DOP1B: variants seen among roughly 807,000 people sequenced by gnomAD.
DOP1B encodes protein DOP1B.
DOP1B carries 174 observed loss-of-function variants against 233.5 expected under a neutral mutation model. The observed-to-expected ratio is 0.75, with a 90% confidence interval of 0.66 to 0.85. The LOEUF is 0.85. Among genes scored for constraint, DOP1B ranks in the 40% least tolerant of loss-of-function variants. The pLI is 0.00. For synonymous variants in DOP1B, 1,190 were observed against 1,185.6 expected, an observed-to-expected ratio of 1.00 and a Z score of -0.08; for missense variants, 2,652 against 2,846.6, an observed-to-expected ratio of 0.93 and a Z score of 1.56.
rs1310115386 is a variant in DOP1B at position 36,233,049 on chromosome 21, A to C, written c.2596A>C (p.Ile866Leu). The C allele has an allele frequency of 6.2e-7, 1 of 1,614,050 alleles. No homozygotes were observed. Among genetic ancestry groups the C allele is most frequent in the Non-Finnish European group, 8.5e-7 (1 of 1,179,966 alleles). The change falls in exon 15 of 37, where the codon ATT (isoleucine) becomes CTT (leucine). Residue 866 changes from isoleucine to leucine, a missense_variant. By Grantham distance (5) the Ile-to-Leu change is conservative. Around this residue, in one of 3 missense-constraint regions of DOP1B, gnomAD observed 2,617 missense variants for 2,794.3 expected, o/e 0.94. Transcript: ENST00000691173. ...PPIAPGILKV[I>L]AEKTDFYQRV... ...CATTGCTCCAGGGATATTGAAAGTCATTGCAGAGAAAACAGATTTCTATCA... is the reference window on the plus strand; with the variant it reads ...CATTGCTCCAGGGATATTGAAAGTCCTTGCAGAGAAAACAGATTTCTATCA...
At chr21:36,280,829 C>G (rs553550818) in intron 31 of DOP1B, among the ~76,000 whole-genome samples, 3 of 151,970 alleles carry the variant, frequency 2.0e-5, no homozygotes, top group African/African-American at 7.2e-5. Flanking sequence ...CGGTGAAACC[C>G]CGTCTCTACT....
chr21:36,201,345 CTTTTT>C (rs1172730528), intron 4 of DOP1B, among the ~76,000 whole-genome samples: 6 of 83,286 alleles, frequency 7.2e-5, no homozygotes, highest in Admixed American at 1.6e-4. Flanking sequence ...CTATTGGATT[CTTTTT>C]TTTTTTTTTT....
rs560805511 is a variant in DOP1B, at chr21:36,239,868, C to T, written c.2980C>T (p.Arg994Cys). ...VRALSLGDVA[R>C]ILEPVLLLLL... is the part of the protein sequence containing the mutation. ...TGCGCTCTCCCTCGGGGACGTGGCTCGCATCCTCGAACCCGTGCTCCTGCT... is the reference window on the plus strand; with the variant it reads ...TGCGCTCTCCCTCGGGGACGTGGCTTGCATCCTCGAACCCGTGCTCCTGCT... The change falls in exon 18 of 37, where the codon CGC becomes TGC. Residue 994 changes from arginine to cysteine, a missense_variant. This residue lies in a region of DOP1B where 2,617 missense variants were observed against 2,794.3 expected (regional missense o/e 0.94). Coordinates refer to ENST00000691173, the MANE Select transcript of DOP1B (RefSeq NM_001320714.2). The T allele has an allele frequency of 5.6e-6, 9 of 1,599,590 alleles. No individual in the cohort carries two copies. Among genetic ancestry groups the T allele is most frequent in the East Asian group, 2.3e-5 (1 of 44,146 alleles).
At chr21:36,184,088 G>A (rs896668675) in intron 2 of DOP1B, among the ~76,000 whole-genome samples, 16 of 151,124 alleles carry the variant, frequency 1.1e-4, no homozygotes, top group East Asian at 1.9e-4. Context: ...ATACTCTGTC[G>A]TCCAGGCTGG....
At chr21:36,264,734 A>G (rs2067213498) in intron 26 of DOP1B, among the ~76,000 whole-genome samples, 1 of 151,980 alleles carries the variant, frequency 6.6e-6, no homozygotes, top group African/African-American at 2.4e-5. Context: ...TGGCCTCCCA[A>G]AGTGCTGGGA....
chr21:36,277,937 T>C (rs2070517), intron 28 of DOP1B, 38 bp from the exon 29 acceptor site: 642,631 of 1,559,602 alleles, frequency 0.41, 134,053 homozygotes, highest in Middle Eastern at 0.44. Context: ...CCGTCGCACC[T>C]GGCCAGTTTC....
intron 2 of DOP1B, among the ~76,000 whole-genome samples, chr21:36,185,553 C>T (rs1571697): frequency 0.24 from 37,032 of 152,150 alleles, 4,791 homozygotes; most frequent in African/African-American, 0.32. Flanking sequence ...GGCTTGCTTG[C>T]AGCTTCCCAG....
chr21:36,277,343 C>T (rs1217358743), intron 28 of DOP1B, among the ~76,000 whole-genome samples: 3 of 152,102 alleles, frequency 2.0e-5, no homozygotes, highest in African/African-American at 7.2e-5. Flanking sequence ...AGTGCAGTGG[C>T]GCGATCTCAG....
chr21:36,287,970 A>G (rs74949130), intron 32 of DOP1B, 44 bp from the exon 33 acceptor site: 236,119 of 1,594,538 alleles, frequency 0.15, 18,547 homozygotes, highest in East Asian at 0.3. Flanking sequence ...AAGAAACCCT[A>G]AACTGCATAT....
Position 36,208,861 on chromosome 21 carries a change from G to A in DOP1B, c.638G>A (p.Gly213Asp), listed in dbSNP as rs1012077462. ...VVGHINRDAPGREQKYMLGTN... is the reference protein window; with the variant it reads ...VVGHINRDAPDREQKYMLGTN... ...GGCCACATCAACAGGGATGCCCCCG[G>A]CCGGGAGCAGAAGTACATGCTGGGG... is the stretch of plus-strand genomic sequence containing the variant. The change falls in exon 5 of 37, where the codon GGC becomes GAC. Residue 213 changes from glycine to aspartate, a missense_variant. Physicochemically the swap from Gly to Asp is moderately conservative, Grantham distance 94. Around this residue, in one of 3 missense-constraint regions of DOP1B, gnomAD observed 2,617 missense variants for 2,794.3 expected, o/e 0.94. Coordinates refer to ENST00000691173, the MANE Select transcript of DOP1B (RefSeq NM_001320714.2). 10 of 1,569,274 alleles carry A rather than the reference G, an allele frequency of 6.4e-6. No individual in the cohort carries two copies.
chr21:36,260,401 C>T (rs576077496), intron 23 of DOP1B, among the ~76,000 whole-genome samples: 1 of 152,202 alleles, frequency 6.6e-6, no homozygotes, highest in South Asian at 2.1e-4. Flanking sequence ...GCCAATTTTC[C>T]CGAAATGCCT....
chr21:36,227,850 C>A lies in DOP1B; in HGVS notation c.1638C>A (p.Leu546=). 1 of 1,605,624 alleles carries A rather than the reference C, an allele frequency of 6.2e-7. No homozygotes were observed. The highest frequency in any genetic ancestry group is 8.5e-7 in the Non-Finnish European group (1 of 1,174,120). The change falls in exon 13 of 37, where the codon CTC becomes CTA. Residue 546 remains leucine (L), a synonymous_variant. Transcript: ENST00000691173. ...LSKVQMPPSY[L]DTESTSGTSS... is the part of the protein sequence containing the mutation. ...AAGTCCAGATGCCTCCTTCCTACCT[C>A]GACACGGAGTCCACCAGCGGAACCT...
At position 36,248,671 on chromosome 21, in the gene DOP1B, A is replaced by G. The variant is rs540391680; in HGVS notation, c.4998+103A>G. 4.6e-5 allele frequency: 52 copies of G among 1,141,812 alleles called. No individual in the cohort carries two copies. In the African/African-American group the frequency reaches 6.6e-4, roughly 14 times the overall value. The allele number at this position is 1,141,812 out of a possible 1,614,324, so 70.7% of individuals were successfully genotyped here. ...TGTGCATGATAAACAGATGTGCTCA[A>G]TGAAACCCAAGTCAGAGATCAGAAG... On this transcript the variant is annotated intron_variant, in intron 21 of 36. Transcript: ENST00000691173.
Position 36,293,319 on chromosome 21 carries a change from G to A in DOP1B, c.6646-1G>A, listed in dbSNP as rs763516139. The A allele has an allele frequency of 3.7e-6, 6 of 1,611,266 alleles. No individual in the cohort carries two copies. The highest frequency in any genetic ancestry group is 4.2e-6 in the Non-Finnish European group (5 of 1,178,302). ...TTGTTATGGGTTTGTTTTTTCTGCA[G>A]GAAATCAGTAGCTCTGATGAGATCA... On this transcript the variant is annotated splice_acceptor_variant, in intron 36 of 36. Transcript: ENST00000691173. LOFTEE classifies it high-confidence loss of function.
chr21:36,242,151 C>CATTATTGTTGTT (rs60892353), intron 18 of DOP1B, among the ~76,000 whole-genome samples: 24 of 143,982 alleles, frequency 1.7e-4, no homozygotes, highest in South Asian at 9.1e-4. Flanking sequence ...GTTCCTTGGG[C>CATTATTGTTGTT]ATTATTATTA....
chr21:36,259,252 A>G (rs552463694), intron 23 of DOP1B, among the ~76,000 whole-genome samples: 10 of 148,298 alleles, frequency 6.7e-5, no homozygotes, highest in African/African-American at 1.0e-4. Context: ...GGCGTGAGCC[A>G]CTGCGCCCGG....
intron 2 of DOP1B, among the ~76,000 whole-genome samples, chr21:36,174,119 C>T (rs2065999339): frequency 6.6e-6 from 1 of 152,140 alleles, no homozygotes; most frequent in Admixed American, 6.6e-5. Flanking sequence ...GTGGGAAGAA[C>T]ACGGGTTGGA....
chr21:36,245,121 G>A lies in DOP1B; in HGVS notation c.3141G>A (p.Glu1047=), dbSNP rs900708552. Residue 1047 remains glutamate, a synonymous_variant, in exon 19 of 37, where the codon GAG becomes GAA. Coordinates refer to ENST00000691173, the MANE Select transcript of DOP1B (RefSeq NM_001320714.2). This position sits in a 1 kb window ranked among gnomAD's most constrained non-coding sequence, Gnocchi z 5.5. Reference sequence around the variant, plus strand: ...CATGCGCAGTGCCCGAGCCTCAGGAGAGCGGCTCTGAAGAGCACCTGCCTC... The same window carrying A: ...CATGCGCAGTGCCCGAGCCTCAGGAAAGCGGCTCTGAAGAGCACCTGCCTC... ...REACAVPEPQ[E]SGSEEHLPLS... The A allele has an allele frequency of 9.3e-6, 15 of 1,613,612 alleles. No homozygotes were observed. Among genetic ancestry groups the A allele is most frequent in the African/African-American group, 1.3e-5 (1 of 74,924 alleles).
At chr21:36,231,157 TC>T in intron 14 of DOP1B, 23 bp downstream of exon 14, 1 of 1,555,980 alleles carries the variant, frequency 6.4e-7, no homozygotes, top group Non-Finnish European at 8.7e-7. Context: ...CCTGCCGAAG[TC>T]CCTCTTTGGG....
Sources: allele counts gnomAD v4.1 joint callset (sites outside exome capture counted in the v4.1 genomes callset), GRCh38; gene constraint gnomAD v4.1.1; regional missense constraint gnomAD v4.1.1; non-coding constraint Gnocchi (gnomAD v3.1); transcripts MANE v1.5; gene names NCBI Gene and HGNC (gene_info 2026-07-23, HGNC 2026-07-21).